Variants in DUSP18 observed in about 807,000 individuals in gnomAD.
The protein encoded by DUSP18 is dual specificity protein phosphatase 18.
DUSP18 carries 4 observed loss-of-function variants against 6.3 expected under a neutral mutation model. That is an observed-to-expected ratio of 0.63 (90% CI 0.31 to 1.45). The LOEUF is 1.45. Among genes scored for constraint, DUSP18 ranks in the 40% most tolerant of loss-of-function variants. The pLI is 0.07. For synonymous variants in DUSP18, 96 were observed against 95.1 expected (o/e 1.01, Z -0.05); for missense variants, 235 against 247.7 (o/e 0.95, Z 0.34).
chr22:30,662,699 A>G lies in DUSP18; in HGVS notation c.*738T>C, dbSNP rs535220293. ...AAAAAATGAGGCGGGCATGGTGGCA[A>G]ACATCTGTAGTCCCAGCCACGCAGG... On this transcript the variant is annotated 3_prime_UTR_variant, in exon 2 of 2. Transcript: ENST00000334679. 7 of 152,232 alleles carry G rather than the reference A, an allele frequency of 4.6e-5. No homozygotes were observed. In the East Asian group the frequency reaches 1.4e-3, roughly 29 times the overall value. 9.4% of individuals were successfully genotyped at this position (152,232 alleles called of 1,614,324 possible). A position where few individuals can be genotyped will look rare whatever the true frequency, so the allele number is the denominator to read the frequency against.
At chr22:30,654,415 C>A (rs1485137499) in intron 2 of DUSP18, 2 of 453,154 alleles carry the variant, frequency 4.4e-6, no homozygotes, top group African/African-American at 2.0e-5. Flanking sequence ...GGCAAACTTT[C>A]TTGTAGGCTT....
chr22:30,665,056 T>G (rs1319768993), intron 1 of DUSP18: 1 of 153,324 alleles, frequency 6.5e-6, no homozygotes, highest in Non-Finnish European at 1.5e-5. Flanking sequence ...GCTCCTCAGG[T>G]GCGGCCTGGG....
At chr22:30,658,700 T>A (rs566741582), downstream of DUSP18, among the ~76,000 whole-genome samples, 1 of 152,114 alleles carries the variant, frequency 6.6e-6, no homozygotes, top group East Asian at 1.9e-4. Context: ...AAGTTGCACA[T>A]GAATTTGTAG....
chr22:30,658,096 A>G (rs1293967031), downstream of DUSP18, among the ~76,000 whole-genome samples: 1 of 151,176 alleles, frequency 6.6e-6, no homozygotes, highest in Non-Finnish European at 1.5e-5. Context: ...ACAGAATAAG[A>G]CCATTTCAAA....
intron 1 of DUSP18, chr22:30,666,701 AG>A (rs1411436581): frequency 6.6e-6 from 1 of 151,568 alleles, no homozygotes; most frequent in Admixed American, 6.6e-5. Flanking sequence ...TGTACAAGAC[AG>A]GCATGGCCCC....
intron 2 of DUSP18, among the ~76,000 whole-genome samples, chr22:30,656,020 C>T (rs910057802): frequency 7.2e-5 from 11 of 151,782 alleles, no homozygotes; most frequent in South Asian, 6.3e-4. Context: ...TTGCTGAGGA[C>T]GCAGTGCAGT....
intron 1 of DUSP18, chr22:30,665,222 G>C (rs546031976): frequency 1.1e-5 from 2 of 188,560 alleles, no homozygotes; most frequent in South Asian, 1.8e-4. Flanking sequence ...CCAGGCACGA[G>C]AAATGAGGAG....
intron 2 of DUSP18, among the ~76,000 whole-genome samples, chr22:30,655,830 G>A (rs1291242537): frequency 6.6e-6 from 1 of 152,088 alleles, no homozygotes; most frequent in African/African-American, 2.4e-5. Flanking sequence ...GCCAAGAGGT[G>A]GAAGAGTCAG....
At position 30,663,348 on chromosome 22, in the gene DUSP18, C is replaced by G. The variant is rs2145612831; in HGVS notation, c.*89G>C. ...CATCATCTGTTTTTTTCTGTATCAA[C>G]AAAAGTAGAATGTTCAAGTTTGGAT... On this transcript the variant is annotated 3_prime_UTR_variant, in exon 2 of 2. Coordinates refer to ENST00000334679, the MANE Select transcript of DUSP18 (RefSeq NM_152511.5). 7 of 1,351,482 alleles carry G rather than the reference C, an allele frequency of 5.2e-6. 1 individual carries two copies. The South Asian group carries it at 1.0e-4, about 20-fold the overall frequency. The allele number at this position is 1,351,482 out of a possible 1,614,324, so 83.7% of individuals were successfully genotyped here. A position where few individuals can be genotyped will look rare whatever the true frequency, so the allele number is the denominator to read the frequency against.
At chr22:30,654,222 G>C (rs1278880277) in intron 2 of DUSP18, 1 of 355,156 alleles carries the variant, frequency 2.8e-6, no homozygotes, top group East Asian at 8.3e-5. Context: ...CTGACCTCCT[G>C]ATCTGCCCGC....
At chr22:30,659,439 T>C (rs1409374848), downstream of DUSP18, among the ~76,000 whole-genome samples, 1 of 152,138 alleles carries the variant, frequency 6.6e-6, no homozygotes, top group Non-Finnish European at 1.5e-5. Context: ...AATAGCATGA[T>C]CTTGGCTCAC....
At chr22:30,666,621 CAAAAAAAAAAAAA>C (rs55979351) in intron 1 of DUSP18, among the ~76,000 whole-genome samples, 1 of 62,498 alleles carries the variant, frequency 1.6e-5, no homozygotes, top group African/African-American at 7.5e-5. Flanking sequence ...GACTCCATCT[CAAAAAAAAAAAAA>C]AAAAAAAAAA....
Position 30,663,410 on chromosome 22 carries a change from C to G in DUSP18, c.*27G>C, listed in dbSNP as rs1433781963. On this transcript the variant is annotated 3_prime_UTR_variant, in exon 2 of 2. Coordinates refer to ENST00000334679, the MANE Select transcript of DUSP18 (RefSeq NM_152511.5). ...ATCAACAATAGATCTGTACCTCTGACTCCAATGCAGGGGCTCGTGGGATGG... is the reference window on the plus strand; with the variant it reads ...ATCAACAATAGATCTGTACCTCTGAGTCCAATGCAGGGGCTCGTGGGATGG... 3 of 1,584,582 alleles carry G rather than the reference C, an allele frequency of 1.9e-6. No individual in the cohort carries two copies.
chr22:30,656,024 G>C (rs1569064649), intron 2 of DUSP18, among the ~76,000 whole-genome samples: 1 of 151,956 alleles, frequency 6.6e-6, no homozygotes, highest in Non-Finnish European at 1.5e-5. Flanking sequence ...TGAGGACGCA[G>C]TGCAGTGGTG....
intron 1 of DUSP18, 77 bp from the exon 2 acceptor site, chr22:30,664,157 A>G: frequency 1.5e-6 from 1 of 669,302 alleles, no homozygotes; most frequent in Admixed American, 2.8e-5. Context: ...AAATGGATGG[A>G]TAGGCTTATA....
rs2145610846 is a variant in DUSP18 at position 30,662,834 on chromosome 22, GAC to G, written c.*601_*602del. On this transcript the variant is annotated 3_prime_UTR_variant, in exon 2 of 2. Transcript: ENST00000334679. ...ACAGAGCAGGACAGTTTCAAAAAAA[GAC>G]AAAAAAAAATTTACACAGTGGAATG... 6.6e-6 allele frequency: 1 copy of G among 152,106 alleles called. No individual in the cohort carries two copies. Among genetic ancestry groups the G allele is most frequent in the East Asian group, 1.9e-4 (1 of 5,186 alleles). The allele number at this position is 152,106 out of a possible 1,614,324, so 9.4% of individuals were successfully genotyped here. A position where few individuals can be genotyped will look rare whatever the true frequency, so the allele number is the denominator to read the frequency against.
chr22:30,653,428 G>A (rs1400165325), intron 2 of DUSP18, among the ~76,000 whole-genome samples: 3 of 150,852 alleles, frequency 2.0e-5, no homozygotes, highest in African/African-American at 7.3e-5. Context: ...CTGGAGTGCA[G>A]TGGTGCGATC....
rs917105081 is a variant in DUSP18 at position 30,667,767 on chromosome 22, A to T, written c.-383T>A. Reference sequence around the variant, plus strand: ...TGGCGAAGCAGGGTCAGCTCAGCTCACCGCACCCCACTCCATCCAGCCCTG... The same window carrying T: ...TGGCGAAGCAGGGTCAGCTCAGCTCTCCGCACCCCACTCCATCCAGCCCTG... On this transcript the variant is annotated 5_prime_UTR_variant, in exon 1 of 2. An upstream open reading frame in the 5' UTR loses its in-frame stop. Coordinates refer to ENST00000334679, the MANE Select transcript of DUSP18 (RefSeq NM_152511.5). 2.6e-5 allele frequency: 4 copies of T among 152,814 alleles called. No homozygotes were observed. The highest frequency in any genetic ancestry group is 9.6e-5 in the African/African-American group (4 of 41,478). 9.5% of individuals were successfully genotyped at this position (152,814 alleles called of 1,614,324 possible).
At chr22:30,653,989 T>TG (rs939844666) in intron 2 of DUSP18, 1 of 157,570 alleles carries the variant, frequency 6.3e-6, no homozygotes, top group African/African-American at 2.4e-5. Flanking sequence ...TTTTTTGTTT[T>TG]TTTTTTTTGA....
Sources: gnomAD v4.1 joint callset for allele counts (sites outside exome capture counted in the v4.1 genomes callset) on GRCh38, gnomAD v4.1.1 for gene constraint, MANE v1.5 for transcripts, NCBI Gene and HGNC (gene_info 2026-07-23, HGNC 2026-07-21) for gene names.